The following AP4E1 variants were observed in gnomAD, a reference collection of about 807,000 sequenced individuals.
AP4E1 encodes the protein AP-4 complex subunit epsilon-1.
A neutral mutation model predicts 128.2 loss-of-function variants in AP4E1; 56 were observed. The ratio of observed to expected loss-of-function variants is 0.44; its 90% CI spans 0.35 to 0.55. The LOEUF is 0.55. Ranked by LOEUF, AP4E1 falls within the 20% of genes least tolerant of loss-of-function variation. AP4E1 has a pLI of 0.00. For synonymous variants in AP4E1, 484 were observed against 473.1 expected, an observed-to-expected ratio of 1.02 and a Z score of -0.30; for missense variants, 1,324 against 1,307.7, an observed-to-expected ratio of 1.01 and a Z score of -0.19.
intron 13 of AP4E1, among the ~76,000 whole-genome samples, chr15:50,958,049 G>A (rs796257744): frequency 1.3e-5 from 2 of 151,908 alleles, no homozygotes; most frequent in East Asian, 1.9e-4. Flanking sequence ...GTATATTCTC[G>A]GGGACCACAG....
intron 2 of AP4E1, among the ~76,000 whole-genome samples, 194 bp downstream of exon 2, chr15:50,912,343 C>G (rs536615337): frequency 9.9e-5 from 15 of 152,266 alleles, no homozygotes; most frequent in Admixed American, 4.6e-4. Context: ...CAAGATTTGC[C>G]TATGTGAAGT....
At position 50,958,499 on chromosome 15, in the gene AP4E1, GGGAA is replaced by G. The variant is rs748372914; in HGVS notation, c.1557_1560del (p.Glu520IlefsTer5). On this transcript the variant is annotated frameshift_variant, in exon 14 of 21. Coordinates refer to ENST00000261842, the MANE Select transcript of AP4E1 (RefSeq NM_007347.5). LOFTEE classifies it high-confidence loss of function. ...TCTTTGTTTTATTTACAGGTATTAG[GGGAA>G]TATTCCTACCTCTTAGATAAGGAAA... 1.2e-6 allele frequency: 2 copies of G among 1,610,450 alleles called. No individual in the cohort carries two copies.
chr15:50,922,339 G>A (rs868010400), intron 3 of AP4E1, among the ~76,000 whole-genome samples: 1 of 151,870 alleles, frequency 6.6e-6, no homozygotes, highest in African/African-American at 2.4e-5. Flanking sequence ...CTCAGGAAAC[G>A]AAACAAAACA....
At chr15:50,958,342 A>G (rs990552124) in intron 13 of AP4E1, 150 bp from the exon 14 acceptor site, 2 of 659,048 alleles carry the variant, frequency 3.0e-6, no homozygotes, top group Non-Finnish European at 5.1e-6. Flanking sequence ...CCTAAAATAT[A>G]CAGTTGTATC....
intron 5 of AP4E1, among the ~76,000 whole-genome samples, chr15:50,927,946 T>C (rs2063787954): frequency 6.6e-6 from 1 of 152,146 alleles, no homozygotes; most frequent in South Asian, 2.1e-4. Context: ...TATGTAGAAA[T>C]AGACAAGAGA....
chr15:50,985,794 G>T (rs1484613723), intron 16 of AP4E1, among the ~76,000 whole-genome samples: 1 of 152,166 alleles, frequency 6.6e-6, no homozygotes, highest in Non-Finnish European at 1.5e-5. Context: ...GGCAATGCGG[G>T]CTCTTTTTTG....
intron 19 of AP4E1, among the ~76,000 whole-genome samples, chr15:51,000,290 T>C (rs997550508): frequency 2.6e-5 from 4 of 151,932 alleles, no homozygotes; most frequent in Middle Eastern, 3.2e-3. Flanking sequence ...TACAGGAATA[T>C]GTCACCATGC....
chr15:50,925,254 A>T, intron 5 of AP4E1, 35 bp downstream of exon 5: 1 of 1,597,956 alleles, frequency 6.3e-7, no homozygotes, highest in Non-Finnish European at 8.6e-7. Flanking sequence ...CATCTATGCC[A>T]TATATTTCAA....
At chr15:50,943,458 A>G (rs1047551722) in intron 10 of AP4E1, among the ~76,000 whole-genome samples, 3 of 152,160 alleles carry the variant, frequency 2.0e-5, no homozygotes, top group Non-Finnish European at 4.4e-5. Context: ...AAATTGTTAC[A>G]TGCCTTGGAT....
At position 50,949,843 on chromosome 15, in the gene AP4E1, C is replaced by T. The variant is rs761039751; in HGVS notation, c.1334C>T (p.Ala445Val). The T allele has an allele frequency of 8.1e-6, 13 of 1,612,918 alleles. No individual in the cohort carries two copies. The change falls in exon 12 of 21, where the codon GCA becomes GTA. Residue 445 changes from alanine to valine, a missense_variant. Ala to Val is a moderately conservative substitution (Grantham distance 64, BLOSUM62 0). Transcript: ENST00000261842. Reference sequence around the variant, plus strand: ...GTGGACACATATGCTCCTGATAATGCATGGTTTATTCAGACAATGAATGCT... The same window carrying T: ...GTGGACACATATGCTCCTGATAATGTATGGTTTATTCAGACAATGAATGCT... Reference protein sequence around the residue: ...ELAEKYAPDNAWFIQTMNAVF... With the variant: ...ELAEKYAPDNVWFIQTMNAVF...
intron 18 of AP4E1, among the ~76,000 whole-genome samples, 158 bp downstream of exon 18, chr15:50,998,041 G>A (rs529844210): frequency 2.6e-5 from 4 of 152,272 alleles, no homozygotes; most frequent in African/African-American, 9.6e-5. Flanking sequence ...GGATATTGAA[G>A]AATAAATGTG....
At chr15:50,922,002 G>C (rs1478704933) in intron 3 of AP4E1, among the ~76,000 whole-genome samples, 1 of 151,906 alleles carries the variant, frequency 6.6e-6, no homozygotes, top group African/African-American at 2.4e-5. Context: ...TGATTTATCA[G>C]CAATCTGATA....
chr15:50,929,237 A>T lies in AP4E1; in HGVS notation c.702+69A>T, dbSNP rs568112617. 388 of 1,517,628 alleles carry T rather than the reference A, an allele frequency of 2.6e-4. 1 individual carries two copies. The African/African-American group carries it at 4.5e-3, about 18-fold the overall frequency. 94.0% of individuals were successfully genotyped at this position (1,517,628 alleles called of 1,614,324 possible). ...AAAATACAATTATGGAATTAAAAAG[A>T]AACAGATATTTTGGTAAAATGCTTA... is the stretch of plus-strand genomic sequence containing the variant. On this transcript the variant is annotated intron_variant, in intron 6 of 20. Coordinates refer to ENST00000261842, the MANE Select transcript of AP4E1 (RefSeq NM_007347.5).
At chr15:50,999,004 T>G in intron 18 of AP4E1, 68 bp from the exon 19 acceptor site, 1 of 1,413,950 alleles carries the variant, frequency 7.1e-7, no homozygotes, top group Non-Finnish European at 1.0e-6. Flanking sequence ...AAATAGAAAA[T>G]TGGTAGTCAT....
In AP4E1 at chr15:50,929,033, T is replaced by C. The variant is rs1419372705; in HGVS notation, c.567T>C (p.Val189=). The change falls in exon 6 of 21, where the codon GTT becomes GTC. Residue 189 remains valine (V), a synonymous_variant. Coordinates refer to ENST00000261842, the MANE Select transcript of AP4E1 (RefSeq NM_007347.5). ...HSKEIVRRKA[V]LALYKFHLIA... is the part of the protein sequence containing the mutation. ...GGGAGATTGTACGAAGAAAAGCTGT[T>C]CTGGCATTATACAAATTCCATCTCA... is the stretch of plus-strand genomic sequence containing the variant. 1.9e-6 allele frequency: 3 copies of C among 1,613,898 alleles called. No homozygotes were observed. In the East Asian group the frequency reaches 6.7e-5, roughly 36 times the overall value.
At chr15:50,910,658 G>A (rs2063555729) in intron 1 of AP4E1, among the ~76,000 whole-genome samples, 1 of 152,066 alleles carries the variant, frequency 6.6e-6, no homozygotes, top group Non-Finnish European at 1.5e-5. Context: ...GGCTTGTCTT[G>A]TTTTGTTTTG....
chr15:50,923,768 G>A (rs2063736102), intron 3 of AP4E1, among the ~76,000 whole-genome samples, 163 bp from the exon 4 acceptor site: 1 of 152,116 alleles, frequency 6.6e-6, no homozygotes, highest in African/African-American at 2.4e-5. Flanking sequence ...AAGAATAGCT[G>A]AAATCTTCCT....
At chr15:50,973,731 G>A (rs1042022441) in intron 15 of AP4E1, among the ~76,000 whole-genome samples, 8 of 152,088 alleles carry the variant, frequency 5.3e-5, no homozygotes, top group East Asian at 1.9e-4. Context: ...CTATGTTGTC[G>A]TATATTGCAG....
upstream of AP4E1, chr15:50,908,671 CA>C (rs958647234): frequency 1.7e-4 from 217 of 1,293,750 alleles, no homozygotes; most frequent in Non-Finnish European, 2.1e-4. Context: ...ATTTCTTATT[CA>C]AAAAACAGGA....
Sources: gnomAD v4.1 joint callset for allele counts (sites outside exome capture counted in the v4.1 genomes callset) on GRCh38, gnomAD v4.1.1 for gene constraint, MANE v1.5 for transcripts, NCBI Gene and HGNC (gene_info 2026-07-23, HGNC 2026-07-21) for gene names.